SRGAP2: variants seen among roughly 807,000 people sequenced by gnomAD.
The protein encoded by SRGAP2 is SLIT-ROBO Rho GTPase activating protein 2, also known as SLIT-ROBO Rho GTPase-activating protein 2.
A neutral mutation model predicts 57.2 loss-of-function variants in SRGAP2; 15 were observed. The observed-to-expected ratio is 0.26, with a 90% CI of 0.18 to 0.40. SRGAP2 has a LOEUF of 0.40. SRGAP2 is among the 10% of genes least tolerant of loss of function. SRGAP2 has a pLI of 1.00. For missense variants in SRGAP2, 520 were observed against 669.6 expected (o/e 0.78, Z 2.47); for synonymous variants, 249 against 248.0 (o/e 1.00, Z -0.04).
At chr1:206,389,912 T>C (rs527631109) in intron 5 of SRGAP2, among the ~76,000 whole-genome samples, 1 of 151,818 alleles carries the variant, frequency 6.6e-6, no homozygotes, top group South Asian at 2.1e-4. Context: ...CATATCTATA[T>C]ATACATATAT....
intron 4 of SRGAP2, among the ~76,000 whole-genome samples, chr1:206,347,247 G>A (rs557967207): frequency 8.7e-4 from 131 of 150,376 alleles, no homozygotes; most frequent in Admixed American, 1.7e-3. Context: ...GCCAGACCCT[G>A]TCTGTTTAAA....
rs868978426 is a variant in SRGAP2, at chr1:206,462,363, A to G, written c.*943A>G. 2.0e-5 allele frequency: 3 copies of G among 152,630 alleles called. No homozygotes were observed. The highest frequency in any genetic ancestry group is 6.5e-5 in the Admixed American group (1 of 15,278). The allele number at this position is 152,630 out of a possible 1,614,324, so 9.5% of individuals were successfully genotyped here. A position where few individuals can be genotyped will look rare whatever the true frequency, so the allele number is the denominator to read the frequency against. On this transcript the variant is annotated 3_prime_UTR_variant, in exon 23 of 23. Transcript: ENST00000573034. ...GACAGTTTTATAGCTGGTTCCTTTT[A>G]GGGTAAAGAGTCTTAAGAGAGTTTT...
intron 12 of SRGAP2, among the ~76,000 whole-genome samples, chr1:206,419,807 ATT>A (rs11404999): frequency 3.3e-4 from 47 of 142,910 alleles, no homozygotes; most frequent in African/African-American, 4.4e-4. Flanking sequence ...ATGGCATTTG[ATT>A]TTTTTTTTTT....
intron 17 of SRGAP2, among the ~76,000 whole-genome samples, chr1:206,444,788 G>T (rs992684803): frequency 6.6e-6 from 1 of 152,196 alleles, no homozygotes; most frequent in Non-Finnish European, 1.5e-5. Flanking sequence ...CTCCTGTGAA[G>T]CAATCCAATG....
chr1:206,304,438 T>A (rs1218872585), intron 3 of SRGAP2, among the ~76,000 whole-genome samples: 2 of 139,172 alleles, frequency 1.4e-5, no homozygotes, highest in Non-Finnish European at 3.1e-5. Flanking sequence ...CTGGGCCACA[T>A]TGGAAGAAGA....
At chr1:206,415,239 G>A (rs1553361184) in intron 10 of SRGAP2, among the ~76,000 whole-genome samples, 3 of 152,214 alleles carry the variant, frequency 2.0e-5, no homozygotes, top group East Asian at 1.9e-4. Context: ...TTTTGACTGT[G>A]AGAGCAGGTG....
chr1:206,360,100 C>T (rs1482154022), intron 4 of SRGAP2, among the ~76,000 whole-genome samples: 21 of 152,114 alleles, frequency 1.4e-4, no homozygotes, highest in Non-Finnish European at 2.9e-4. Context: ...GCCACCGCGC[C>T]CGGCCGATAT....
Position 206,439,993 on chromosome 1 carries a change from G to A in SRGAP2, c.1786G>A (p.Glu596Lys), listed in dbSNP as rs1553371374. The A allele has an allele frequency of 1.3e-6, 1 of 780,842 alleles. No homozygotes were observed. Among genetic ancestry groups the A allele is most frequent in the East Asian group, 2.4e-5 (1 of 41,246 alleles). 48.4% of individuals were successfully genotyped at this position (780,842 alleles called of 1,614,324 possible). Reference sequence around the variant, plus strand: ...CTTTTCAGCAATGGACAACCTGCAGGAGAGAGCTCTGCACATCCGGAAAGT... The same window carrying A: ...CTTTTCAGCAATGGACAACCTGCAGAAGAGAGCTCTGCACATCCGGAAAGT... The part of the protein sequence containing the change: ...MACVTMDNLQ[E>K]RALHIRKVLL... The change falls in exon 17 of 23, where the codon GAG becomes AAG. Residue 596 changes from glutamate to lysine, a missense_variant. Transcript: ENST00000573034.
At chr1:206,272,944 T>C (rs1457788973) in intron 2 of SRGAP2, among the ~76,000 whole-genome samples, 107 of 152,204 alleles carry the variant, frequency 7.0e-4, no homozygotes, top group African/African-American at 2.3e-3. Context: ...AAAATAACAT[T>C]TCCTGCTTTT....
intron 2 of SRGAP2, among the ~76,000 whole-genome samples, chr1:206,268,083 T>TATATA (rs1669978078): frequency 3.8e-4 from 52 of 138,248 alleles, no homozygotes; most frequent in African/African-American, 1.4e-3. Context: ...ATATATATAT[T>TATATA]TTTTTTTTTT....
At chr1:206,401,826 G>C (rs1391623961) in intron 8 of SRGAP2, among the ~76,000 whole-genome samples, 181 bp downstream of exon 8, 1 of 152,090 alleles carries the variant, frequency 6.6e-6, no homozygotes, top group African/African-American at 2.4e-5. Context: ...TCAGACACTC[G>C]GGCTTGGGTG....
chr1:206,345,843 CAG>C (rs1675583164), intron 4 of SRGAP2, among the ~76,000 whole-genome samples: 1 of 148,340 alleles, frequency 6.7e-6, no homozygotes, highest in Admixed American at 6.7e-5. Context: ...GCCTGGGCAA[CAG>C]AGAGAGACCC....
intron 17 of SRGAP2, among the ~76,000 whole-genome samples, chr1:206,443,386 G>A (rs1357612493): frequency 2.0e-5 from 3 of 152,104 alleles, no homozygotes; most frequent in Non-Finnish European, 4.4e-5. Flanking sequence ...TTGTTTGTTT[G>A]TTTTTGAGAT....
chr1:206,249,919 A>G (rs1668737521), intron 2 of SRGAP2, among the ~76,000 whole-genome samples: 1 of 146,270 alleles, frequency 6.8e-6, no homozygotes. Flanking sequence ...GTATCCCTAA[A>G]TACCTAGAAG....
chr1:206,386,182 A>G (rs555216688), intron 5 of SRGAP2, among the ~76,000 whole-genome samples: 101 of 152,320 alleles, frequency 6.6e-4, no homozygotes, highest in African/African-American at 2.3e-3. Context: ...AAAATCCTAC[A>G]GTGCACAGGG....
rs545605979 is a variant in SRGAP2, at chr1:206,455,291, C to G, written c.2507+267C>G. On this transcript the variant is annotated intron_variant, in intron 21 of 22. Transcript: ENST00000573034. ...GTGTGTTCCCGCAGTGTCTGTCCAC[C>G]CAGACCTTTGTGGCAGTCTTACAGC... is the stretch of plus-strand genomic sequence containing the variant. 6.1e-4 allele frequency: 302 copies of G among 496,494 alleles called. 1 individual carries two copies. Among genetic ancestry groups the G allele is most frequent in the Non-Finnish European group, 9.8e-4 (269 of 275,324 alleles). The allele number at this position is 496,494 out of a possible 1,614,324, so 30.8% of individuals were successfully genotyped here.
intron 7 of SRGAP2, among the ~76,000 whole-genome samples, chr1:206,399,887 T>G (rs1657977222): frequency 6.6e-6 from 1 of 151,644 alleles, no homozygotes; most frequent in African/African-American, 2.4e-5. Flanking sequence ...CCCAACTGAA[T>G]TTAATGTCTT....
intron 3 of SRGAP2, among the ~76,000 whole-genome samples, chr1:206,319,178 G>T (rs1449479182): frequency 1.3e-5 from 2 of 149,326 alleles, no homozygotes; most frequent in Non-Finnish European, 3.0e-5. Context: ...TTGGGAGGCC[G>T]AGGCGGGCGG....
At chr1:206,407,190 G>A (rs1470043224) in intron 10 of SRGAP2, 2 of 33,790 alleles carry the variant, frequency 5.9e-5, no homozygotes, top group Non-Finnish European at 9.3e-5. Flanking sequence ...TTTAAGTATT[G>A]TTAACAATCC....
Sources: allele counts gnomAD v4.1 joint callset (sites outside exome capture counted in the v4.1 genomes callset), GRCh38; gene constraint gnomAD v4.1.1; transcripts MANE v1.5; gene names NCBI Gene and HGNC (gene_info 2026-07-23, HGNC 2026-07-21).